Variants in CPLANE1 observed in about 807,000 individuals in gnomAD.
CPLANE1 encodes ciliogenesis and planar polarity effector 1.
A neutral mutation model predicts 362.5 loss-of-function variants in CPLANE1; 263 were observed. The ratio of observed to expected loss-of-function variants is 0.73; its 90% confidence interval spans 0.66 to 0.80. The LOEUF (loss-of-function observed/expected upper bound fraction) is 0.80, where lower values mean the gene tolerates loss of function less well. Ranked by LOEUF, CPLANE1 falls within the 30% of genes least tolerant of loss-of-function variation. CPLANE1 has a pLI of 0.00. For synonymous variants in CPLANE1, 1,212 were observed against 1,302.6 expected (o/e 0.93, Z 1.50); for missense variants, 3,461 against 3,793.4 (o/e 0.91, Z 2.30).
At chr5:37,083,121 C>T in the CPLANE1 span, among the ~76,000 whole-genome samples, 1 of 152,162 alleles carries the variant, frequency 6.6e-6, no homozygotes, top group Admixed American at 6.5e-5. Context: ...CAGACAACCC[C>T]CAGTACCGGC....
Position 37,201,762 on chromosome 5 carries a change from T to C in CPLANE1, c.3336A>G (p.Gln1112=), listed in dbSNP as rs570673214. Residue 1112 remains glutamine, a synonymous_variant, in exon 19 of 53, where the codon CAA becomes CAG. Transcript: ENST00000651892. ...EDANLLFGSV[Q]EVLKASVMAD... ...CCATAACTGATGCTTTCAGTACTTCTTGTACTGAACCAAATAGCAGATTTG... is the reference window on the plus strand; with the variant it reads ...CCATAACTGATGCTTTCAGTACTTCCTGTACTGAACCAAATAGCAGATTTG... 5.0e-6 allele frequency: 8 copies of C among 1,613,904 alleles called. No homozygotes were observed. Among genetic ancestry groups the C allele is most frequent in the East Asian group, 2.2e-5 (1 of 44,870 alleles).
chr5:37,202,158 C>CTTT (rs34033701), intron 18 of CPLANE1, among the ~76,000 whole-genome samples: 2 of 141,144 alleles, frequency 1.4e-5, no homozygotes, highest in African/African-American at 2.6e-5. Context: ...GTAACTTTTC[C>CTTT]TTTTTTTTTT....
downstream of CPLANE1, among the ~76,000 whole-genome samples, chr5:37,101,462 G>A (rs968380309): frequency 5.9e-5 from 9 of 152,170 alleles, no homozygotes. Flanking sequence ...ACTTGATCAT[G>A]GTGGATAAAC....
chr5:37,174,805 A>T (rs1780715824), intron 31 of CPLANE1, among the ~76,000 whole-genome samples: 2 of 152,188 alleles, frequency 1.3e-5, no homozygotes, highest in African/African-American at 4.8e-5. Context: ...CACACCCAAT[A>T]AAAAAACTTT....
intron 50 of CPLANE1, among the ~76,000 whole-genome samples, chr5:37,117,350 T>G (rs1332151663): frequency 6.6e-6 from 1 of 151,060 alleles, no homozygotes. Context: ...AGGACACCTG[T>G]TGTAGTGCTT....
At chr5:37,201,505 C>T in intron 19 of CPLANE1, 86 bp downstream of exon 19, 2 of 1,111,368 alleles carry the variant, frequency 1.8e-6, no homozygotes, top group Non-Finnish European at 2.6e-6. Flanking sequence ...GAATTTTTAA[C>T]CTGATGATTA....
intron 30 of CPLANE1, among the ~76,000 whole-genome samples, chr5:37,176,469 T>C (rs1176164523): frequency 6.6e-6 from 1 of 151,288 alleles, no homozygotes; most frequent in African/African-American, 2.4e-5. Context: ...ATCCCATCTC[T>C]AAAAAAAATA....
At chr5:37,231,656 T>C (rs1797758163) in intron 8 of CPLANE1, among the ~76,000 whole-genome samples, 1 of 152,182 alleles carries the variant, frequency 6.6e-6, no homozygotes, top group South Asian at 2.1e-4. Flanking sequence ...TACTGATAGA[T>C]TTCAAGGCCA....
rs1458222961 is a variant in CPLANE1 at position 37,213,522 on chromosome 5, C to A, written c.2920+37G>T. 11 of 1,425,658 alleles carry A rather than the reference C, an allele frequency of 7.7e-6. No individual in the cohort carries two copies. The Admixed American group carries it at 2.4e-4, about 31-fold the overall frequency. 88.3% of individuals were successfully genotyped at this position (1,425,658 alleles called of 1,614,324 possible). A position where few individuals can be genotyped will look rare whatever the true frequency, so the allele number is the denominator to read the frequency against. On this transcript the variant is annotated intron_variant, in intron 16 of 52. Coordinates refer to ENST00000651892, the MANE Select transcript of CPLANE1 (RefSeq NM_001384732.1). ...TTTAAATATTATATTATGTGCAATGCAAAAAAAGTTTAAAAAGGATTTGTT... is the reference window on the plus strand; with the variant it reads ...TTTAAATATTATATTATGTGCAATGAAAAAAAAGTTTAAAAAGGATTTGTT...
intron 46 of CPLANE1, among the ~76,000 whole-genome samples, chr5:37,134,301 T>A (rs1766900182): frequency 6.6e-6 from 1 of 152,220 alleles, no homozygotes; most frequent in Non-Finnish European, 1.5e-5. Flanking sequence ...TTTTTATTAC[T>A]GATTCCATTT....
Position 37,221,486 on chromosome 5 carries a change from C to T in CPLANE1, c.2584G>A (p.Gly862Arg). ...ATCTGAAGAAAATACGTCCTTCTTC[C>T]TCCTGAAACAAGAAGTAAGCTCACC... Reference protein sequence around the residue: ...KALQEIEEKGGRRTYFLQIRY... With the variant: ...KALQEIEEKGRRRTYFLQIRY... Residue 862 changes from glycine (G) to arginine (R), a missense_variant and splice_region_variant, in exon 15 of 53, where the codon GGA becomes AGA. Physicochemically the swap from Gly to Arg is moderately radical, Grantham distance 125. Coordinates refer to ENST00000651892, the MANE Select transcript of CPLANE1 (RefSeq NM_001384732.1). 1 of 1,492,280 alleles carries T rather than the reference C, an allele frequency of 6.7e-7. No individual in the cohort carries two copies. The highest frequency in any genetic ancestry group is 8.9e-7 in the Non-Finnish European group (1 of 1,125,870). 92.4% of individuals were successfully genotyped at this position (1,492,280 alleles called of 1,614,324 possible).
intron 49 of CPLANE1, 110 bp from the exon 50 acceptor site, chr5:37,120,450 G>A (rs555259809): frequency 2.3e-6 from 2 of 883,614 alleles, no homozygotes; most frequent in Admixed American, 7.5e-5. Context: ...CAAGCCTATA[G>A]CCCCAGCTAC....
chr5:37,179,455 T>G lies in CPLANE1; in HGVS notation c.5738-12A>C, dbSNP rs1295768017. On this transcript the variant is annotated splice_polypyrimidine_tract_variant and intron_variant, in intron 28 of 52. Coordinates refer to ENST00000651892, the MANE Select transcript of CPLANE1 (RefSeq NM_001384732.1). Reference sequence around the variant, plus strand: ...TTCTTCAATGTCTTCTAGCGATAAGTGAAGATGAAGAGAAAACTGATCATT... The same window carrying G: ...TTCTTCAATGTCTTCTAGCGATAAGGGAAGATGAAGAGAAAACTGATCATT... The G allele has an allele frequency of 1.9e-6, 3 of 1,579,544 alleles. No individual in the cohort carries two copies. The Admixed American group carries it at 5.2e-5, about 28-fold the overall frequency.
At chr5:37,179,286 G>A in intron 29 of CPLANE1, 75 bp downstream of exon 29, 1 of 953,410 alleles carries the variant, frequency 1.0e-6, no homozygotes, top group Non-Finnish European at 1.6e-6. Context: ...TAATAACAAT[G>A]AATAAAAACA....
intron 21 of CPLANE1, among the ~76,000 whole-genome samples, chr5:37,194,072 C>G (rs1193531033): frequency 1.3e-5 from 2 of 152,036 alleles, no homozygotes; most frequent in Non-Finnish European, 2.9e-5. Context: ...CAGGTGCACA[C>G]CACTATGCCT....
At chr5:37,162,819 A>G (rs1777190277) in intron 37 of CPLANE1, among the ~76,000 whole-genome samples, 1 of 152,042 alleles carries the variant, frequency 6.6e-6, no homozygotes, top group South Asian at 2.1e-4. Context: ...AGCTGGGATT[A>G]CAGGTGCCCA....
At chr5:37,089,224 A>G in the CPLANE1 span, among the ~76,000 whole-genome samples, 2 of 152,188 alleles carry the variant, frequency 1.3e-5, no homozygotes, top group Non-Finnish European at 2.9e-5. Context: ...TGTCAGCATC[A>G]TGGAAGCACA....
chr5:37,123,645 A>C (rs1436778634), intron 47 of CPLANE1, among the ~76,000 whole-genome samples: 9 of 152,154 alleles, frequency 5.9e-5, no homozygotes, highest in African/African-American at 2.2e-4. Flanking sequence ...TACCTTGAGT[A>C]GTTAGGACTA....
At chr5:37,135,693 C>T (rs1056002222) in intron 46 of CPLANE1, among the ~76,000 whole-genome samples, 17 of 152,072 alleles carry the variant, frequency 1.1e-4, no homozygotes, top group Admixed American at 9.2e-4. Flanking sequence ...ATTAGCTGGA[C>T]GTGGTGGCAC....
Sources: allele counts gnomAD v4.1 joint callset (sites outside exome capture counted in the v4.1 genomes callset), GRCh38; gene constraint gnomAD v4.1.1; transcripts MANE v1.5; gene names NCBI Gene and HGNC (gene_info 2026-07-23, HGNC 2026-07-21).